Variants in SPTBN1 observed in about 807,000 individuals in gnomAD.
SPTBN1 encodes the protein spectrin beta, non-erythrocytic 1.
SPTBN1 carries 32 observed loss-of-function variants against 266.4 expected under a neutral mutation model. The ratio of observed to expected loss-of-function variants is 0.12; its 90% CI spans 0.09 to 0.16. The LOEUF is 0.16. Among genes scored for constraint, SPTBN1 ranks in the 10% least tolerant of loss-of-function variants. The probability of loss-of-function intolerance (pLI) is 1.00; values close to 1 mark genes in which losing one functional copy is unlikely to be tolerated. For missense variants in SPTBN1, 2,296 were observed against 3,067.1 expected, an observed-to-expected ratio of 0.75 and a Z score of 5.94; for synonymous variants, 1,336 against 1,162.2, an observed-to-expected ratio of 1.15 and a Z score of -3.04.
intron 2 of SPTBN1, among the ~76,000 whole-genome samples, chr2:54,529,997 G>T (rs1412049864): frequency 6.6e-6 from 1 of 152,154 alleles, no homozygotes; most frequent in Non-Finnish European, 1.5e-5. Flanking sequence ...CAACAGGAGG[G>T]AGTGCTATTG....
Position 54,490,817 on chromosome 2 carries a change from C to T in SPTBN1, c.-48+34299C>T, listed in dbSNP as rs539556590. On this transcript the variant is annotated intron_variant, in intron 1 of 35. Transcript: ENST00000356805. ...AAGATTAAGGTGTGGGAGAGTCCCA[C>T]GCAGGGGAACAGCAGGCAGAAAGCC... Among the ~76,000 whole-genome samples the T allele has an allele frequency of 2.3e-3, 351 of 152,130 alleles. 1 individual carries two copies. Among genetic ancestry groups the T allele is most frequent in the Admixed American group, 3.7e-3 (57 of 15,286 alleles).
intron 4 of SPTBN1, among the ~76,000 whole-genome samples, chr2:54,614,270 A>C (rs989308396): frequency 1.3e-5 from 2 of 152,178 alleles, no homozygotes; most frequent in African/African-American, 2.4e-5. Context: ...GCATATCTAT[A>C]AGGATACTCC....
chr2:54,469,921 A>G (rs967674750), intron 1 of SPTBN1, among the ~76,000 whole-genome samples: 6 of 152,156 alleles, frequency 3.9e-5, no homozygotes, highest in African/African-American at 1.4e-4. Flanking sequence ...GAGCAAAGAG[A>G]TCTGCCTGCC....
chr2:54,603,635 T>C (rs566425960), intron 3 of SPTBN1, among the ~76,000 whole-genome samples: 58 of 152,260 alleles, frequency 3.8e-4, no homozygotes, highest in Non-Finnish European at 7.1e-4. Flanking sequence ...TAATTGTAAT[T>C]GGGCCAAAAT....
intron 2 of SPTBN1, among the ~76,000 whole-genome samples, chr2:54,596,078 G>A (rs1441888475): frequency 6.6e-6 from 1 of 152,062 alleles, no homozygotes; most frequent in Non-Finnish European, 1.5e-5. Flanking sequence ...CCTGGAAGTC[G>A]GCTCACTGCC....
chr2:54,622,629 C>G, intron 9 of SPTBN1, 142 bp downstream of exon 9: 3 of 955,166 alleles, frequency 3.1e-6, no homozygotes. Context: ...TCATCTGACT[C>G]TGTTTTGCTG....
chr2:54,535,901 A>G (rs1264653974), intron 2 of SPTBN1, among the ~76,000 whole-genome samples: 1 of 152,222 alleles, frequency 6.6e-6, no homozygotes, highest in Non-Finnish European at 1.5e-5. Flanking sequence ...ACATGTGAGT[A>G]ACCACCTATT....
intron 2 of SPTBN1, among the ~76,000 whole-genome samples, chr2:54,534,266 C>T (rs1187018093): frequency 6.6e-6 from 1 of 152,200 alleles, no homozygotes; most frequent in African/African-American, 2.4e-5. Context: ...CAGCTTCTTG[C>T]ATGGTGGAAT....
chr2:54,570,740 C>A (rs1392149951), intron 2 of SPTBN1, among the ~76,000 whole-genome samples: 1 of 152,154 alleles, frequency 6.6e-6, no homozygotes. Flanking sequence ...TGGAATGTGA[C>A]CTTAACATTT....
chr2:54,457,758 C>T (rs4404316), intron 1 of SPTBN1, among the ~76,000 whole-genome samples: 14,528 of 152,270 alleles, frequency 0.095, 1,067 homozygotes, highest in East Asian at 0.37. Flanking sequence ...CTACCTTGTC[C>T]TGCAGCTTCT....
intron 2 of SPTBN1, among the ~76,000 whole-genome samples, chr2:54,542,781 A>C (rs567475373): frequency 6.6e-6 from 1 of 152,278 alleles, no homozygotes; most frequent in South Asian, 2.1e-4. Context: ...ATGCTCTCCA[A>C]GGGGATGGGA....
At chr2:54,492,797 G>A (rs550835475) in intron 1 of SPTBN1, among the ~76,000 whole-genome samples, 3 of 152,190 alleles carry the variant, frequency 2.0e-5, no homozygotes, top group African/African-American at 7.2e-5. Context: ...TTATTGGCTT[G>A]TATAAACTAG....
chr2:54,580,042 T>C (rs567584524), intron 2 of SPTBN1, among the ~76,000 whole-genome samples: 2 of 152,326 alleles, frequency 1.3e-5, no homozygotes, highest in East Asian at 1.9e-4. Flanking sequence ...AATATTTTCA[T>C]TTACGTTAAA....
rs1168563128 is a variant in SPTBN1, at chr2:54,645,070, C to G, written c.4270-159C>G. 2 of 658,228 alleles carry G rather than the reference C, an allele frequency of 3.0e-6. No individual in the cohort carries two copies. The highest frequency in any genetic ancestry group is 2.9e-5 in the Admixed American group (1 of 34,984). 40.8% of individuals were successfully genotyped at this position (658,228 alleles called of 1,614,324 possible). On this transcript the variant is annotated intron_variant, in intron 20 of 35. Coordinates refer to ENST00000356805, the MANE Select transcript of SPTBN1 (RefSeq NM_003128.3). This position sits in a 1 kb window ranked among gnomAD's most constrained non-coding sequence, Gnocchi z 4.3. ...ACCTCAGATTTACTTGAAAACAGTT[C>G]CATTGATGTTGAAAAGCAAGTCAGT...
At chr2:54,505,792 CT>C (rs1669520538) in intron 1 of SPTBN1, among the ~76,000 whole-genome samples, 1 of 152,102 alleles carries the variant, frequency 6.6e-6, no homozygotes, top group African/African-American at 2.4e-5. Flanking sequence ...CCTTGAATTG[CT>C]GTCAGTTTTT....
chr2:54,464,820 G>T (rs1189816185), intron 1 of SPTBN1, among the ~76,000 whole-genome samples: 1 of 152,088 alleles, frequency 6.6e-6, no homozygotes, highest in Non-Finnish European at 1.5e-5. Flanking sequence ...CTCCCAAGTA[G>T]TTGCAGGCGT....
chr2:54,467,136 G>T (rs1456287530), intron 1 of SPTBN1, among the ~76,000 whole-genome samples: 1 of 151,352 alleles, frequency 6.6e-6, no homozygotes, highest in East Asian at 2.0e-4. Context: ...TTTTGTTCTA[G>T]TGTGTTTGCC....
chr2:54,629,483 C>A lies in SPTBN1; in HGVS notation c.2349C>A (p.Val783=), dbSNP rs770867484. The change falls in exon 14 of 36, where the codon GTC becomes GTA. Residue 783 remains valine, a synonymous_variant. Coordinates refer to ENST00000356805, the MANE Select transcript of SPTBN1 (RefSeq NM_003128.3). ...GHDEYSTQSL[V]KKHKDVAEEI... is the part of the protein sequence containing the mutation. ...ATGAGTATTCCACACAGTCTCTGGT[C>A]AAGAAACACAAGGACGTGGCGGAAG... 8.7e-6 allele frequency: 14 copies of A among 1,614,098 alleles called. No homozygotes were observed. In the South Asian group the frequency reaches 1.4e-4, roughly 16 times the overall value.
In SPTBN1 at chr2:54,508,490, T is replaced by C. The variant is rs1465617351; in HGVS notation, c.-47-17882T>C. Among the ~76,000 whole-genome samples, 7 of 152,088 alleles carry C rather than the reference T, an allele frequency of 4.6e-5. No individual in the cohort carries two copies. In the East Asian group the frequency reaches 1.3e-3, roughly 29 times the overall value. ...TTTCCTTGAGGATAGATTTTTGCGA[T>C]GGAAAGGAAATGAGAGGTTCTAAGA... is the stretch of plus-strand genomic sequence containing the variant. On this transcript the variant is annotated intron_variant, in intron 1 of 35. Transcript: ENST00000356805.
Sources: allele counts gnomAD v4.1 joint callset (sites outside exome capture counted in the v4.1 genomes callset), GRCh38; gene constraint gnomAD v4.1.1; non-coding constraint Gnocchi (gnomAD v3.1); transcripts MANE v1.5; gene names NCBI Gene and HGNC (gene_info 2026-07-23, HGNC 2026-07-21).